CHKA: variants seen among roughly 807,000 people sequenced by gnomAD.
CHKA encodes the protein CHETK-alpha.
A neutral mutation model predicts 60.1 loss-of-function variants in CHKA; 34 were observed. That is an observed-to-expected ratio of 0.57 (90% CI 0.43 to 0.75). The LOEUF is 0.75. Ranked by LOEUF, CHKA falls within the 30% of genes least tolerant of loss-of-function variation. CHKA has a pLI of 0.00. For synonymous variants in CHKA, 217 were observed against 223.1 expected (o/e 0.97, Z 0.24); for missense variants, 563 against 561.3 (o/e 1.00, Z -0.03).
intron 3 of CHKA, among the ~76,000 whole-genome samples, chr11:68,079,450 C>A (rs1856903650): frequency 6.6e-6 from 1 of 152,162 alleles, no homozygotes; most frequent in African/African-American, 2.4e-5. Flanking sequence ...CTGCCTCAGC[C>A]TCCCAAGTAG....
chr11:68,096,754 T>G (rs1482192262), intron 2 of CHKA, among the ~76,000 whole-genome samples: 3 of 152,208 alleles, frequency 2.0e-5, no homozygotes, highest in Admixed American at 6.5e-5. Context: ...CTATTGAAGA[T>G]TTAACCAACA....
At position 68,086,708 on chromosome 11, in the gene CHKA, C is replaced by G. The variant is rs536492247; in HGVS notation, c.463-5251G>C. ...TAGTTATCATTTAAATGTCATTTGG[C>G]TGGGCGTGGTGGCTCACGCCTGTAA... On this transcript the variant is annotated intron_variant, in intron 2 of 11. Transcript: ENST00000265689. Among the ~76,000 whole-genome samples, 379 of 152,328 alleles carry G rather than the reference C, an allele frequency of 2.5e-3. 1 individual carries two copies. Among genetic ancestry groups the G allele is most frequent in the Middle Eastern group, 0.014 (4 of 294 alleles).
chr11:68,073,201 T>C (rs746366077), intron 4 of CHKA, among the ~76,000 whole-genome samples: 1 of 152,326 alleles, frequency 6.6e-6, no homozygotes, highest in South Asian at 2.1e-4. Flanking sequence ...TGTGCACATA[T>C]TCTTAAACAA....
chr11:68,104,311 C>T (rs537919504), intron 1 of CHKA, among the ~76,000 whole-genome samples: 1 of 152,144 alleles, frequency 6.6e-6, no homozygotes, highest in Non-Finnish European at 1.5e-5. Context: ...GAGAATAGTG[C>T]TTACCAGAGG....
chr11:68,107,748 A>C (rs538728342), intron 1 of CHKA, among the ~76,000 whole-genome samples: 2 of 152,230 alleles, frequency 1.3e-5, no homozygotes, highest in Admixed American at 1.3e-4. Flanking sequence ...TCCTTGGAAC[A>C]CAGCATGCCT....
Position 68,121,063 on chromosome 11 carries a change from C to A in CHKA, c.115G>T (p.Ala39Ser). ...PAPGVGQQRD[A>S]ASDLESKQLG... ...TGCTTGGACTCGAGGTCGCTGGCGG[C>A]GTCGCGCTGCTGCCCCACGCCGGGC... Residue 39 changes from alanine (A) to serine (S), a missense_variant, in exon 1 of 12, where the codon GCC becomes TCC. Transcript: ENST00000265689. 9.0e-7 allele frequency: 1 copy of A among 1,109,642 alleles called. No homozygotes were observed. The allele number at this position is 1,109,642 out of a possible 1,614,324, so 68.7% of individuals were successfully genotyped here.
At chr11:68,054,657 T>TA (rs1483472019) in intron 11 of CHKA, among the ~76,000 whole-genome samples, 3 of 152,198 alleles carry the variant, frequency 2.0e-5, no homozygotes, top group African/African-American at 7.2e-5. Flanking sequence ...CCAGGAAGAT[T>TA]ACAATTAACT....
intron 1 of CHKA, among the ~76,000 whole-genome samples, chr11:68,098,432 T>G (rs1490866698): frequency 6.6e-6 from 1 of 152,052 alleles, no homozygotes; most frequent in Non-Finnish European, 1.5e-5. Flanking sequence ...TACTACAAAT[T>G]TAGTGGCTTA....
chr11:68,121,199 G>A lies in CHKA; in HGVS notation c.-22C>T. The A allele has an allele frequency of 8.6e-7, 1 of 1,157,146 alleles. No individual in the cohort carries two copies. Among genetic ancestry groups the A allele is most frequent in the Non-Finnish European group, 1.1e-6 (1 of 938,950 alleles). 71.7% of individuals were successfully genotyped at this position (1,157,146 alleles called of 1,614,324 possible). A position where few individuals can be genotyped will look rare whatever the true frequency, so the allele number is the denominator to read the frequency against. On this transcript the variant is annotated 5_prime_UTR_variant, in exon 1 of 12. Transcript: ENST00000265689. ...TCATGCCCGACAGGCGGCCGAGGAG[G>A]CGCGGGCGGCCGCAGCGCGAGAGGA...
At chr11:68,067,605 T>C (rs1856486743) in intron 7 of CHKA, among the ~76,000 whole-genome samples, 1 of 151,996 alleles carries the variant, frequency 6.6e-6, no homozygotes, top group Non-Finnish European at 1.5e-5. Flanking sequence ...AAAAGGCAAA[T>C]TGGAGGCAGA....
intron 2 of CHKA, among the ~76,000 whole-genome samples, chr11:68,087,501 T>A (rs981071610): frequency 6.6e-6 from 1 of 151,648 alleles, no homozygotes; most frequent in African/African-American, 2.4e-5. Flanking sequence ...CACAAAAAAA[T>A]CATAATATAG....
intron 1 of CHKA, among the ~76,000 whole-genome samples, chr11:68,115,624 T>G (rs1407971811): frequency 6.6e-6 from 1 of 152,088 alleles, no homozygotes; most frequent in Non-Finnish European, 1.5e-5. Flanking sequence ...AGGGACCACT[T>G]GAGCCCAGGA....
intron 2 of CHKA, among the ~76,000 whole-genome samples, chr11:68,095,943 G>A (rs1254557605): frequency 1.3e-5 from 2 of 151,548 alleles, no homozygotes; most frequent in African/African-American, 4.9e-5. Flanking sequence ...GGAAAGCTGA[G>A]GCAGGAGAAT....
chr11:68,053,899 C>T lies in CHKA; in HGVS notation c.*89G>A. The T allele has an allele frequency of 1.9e-6, 2 of 1,074,252 alleles. No homozygotes were observed. The highest frequency in any genetic ancestry group is 2.8e-6 in the Non-Finnish European group (2 of 706,178). 66.5% of individuals were successfully genotyped at this position (1,074,252 alleles called of 1,614,324 possible). Reference sequence around the variant, plus strand: ...GTGAGCCACCCAAAGCCTCCTGCCACAGGAGCAGTAGTCGAAGCACAGAGG... The same window carrying T: ...GTGAGCCACCCAAAGCCTCCTGCCATAGGAGCAGTAGTCGAAGCACAGAGG... On this transcript the variant is annotated 3_prime_UTR_variant, in exon 12 of 12. Coordinates refer to ENST00000265689, the MANE Select transcript of CHKA (RefSeq NM_001277.3).
intron 2 of CHKA, among the ~76,000 whole-genome samples, chr11:68,088,252 G>A (rs184394402): frequency 7.9e-5 from 12 of 151,732 alleles, no homozygotes; most frequent in African/African-American, 2.9e-4. Context: ...GCTGAGTACT[G>A]AAACAACTCC....
rs376848547 is a variant in CHKA at position 68,095,734 on chromosome 11, AC to A, written c.462+1284del. ...AAAAAAAAAAAAAAAAAAAAAAAAA[AC>A]AACAGGTATCAAAATCCTACCACAG... On this transcript the variant is annotated intron_variant, in intron 2 of 11. Transcript: ENST00000265689. Among the ~76,000 whole-genome samples the A allele has an allele frequency of 1.0e-3, 133 of 130,758 alleles. 24 individuals are homozygous for A. Among genetic ancestry groups the A allele is most frequent in the African/African-American group, 3.8e-3 (121 of 32,198 alleles). 85.8% of individuals were successfully genotyped at this position (130,758 alleles called of 152,430 possible).
intron 1 of CHKA, among the ~76,000 whole-genome samples, chr11:68,117,165 T>A (rs888561267): frequency 6.6e-6 from 1 of 152,048 alleles, no homozygotes; most frequent in East Asian, 1.9e-4. Context: ...GGAAAGAAAT[T>A]CAGTATGTCT....
chr11:68,084,367 T>C (rs923080622), intron 2 of CHKA, among the ~76,000 whole-genome samples: 1 of 138,026 alleles, frequency 7.2e-6, no homozygotes, highest in Non-Finnish European at 1.6e-5. Flanking sequence ...TATACACATA[T>C]ATACGTATAT....
intron 2 of CHKA, among the ~76,000 whole-genome samples, chr11:68,088,868 C>T (rs1857267301): frequency 6.6e-6 from 1 of 152,106 alleles, no homozygotes; most frequent in African/African-American, 2.4e-5. Context: ...TTTCTGAAAA[C>T]ATTTTACAGA....
Sources: allele counts gnomAD v4.1 joint callset (sites outside exome capture counted in the v4.1 genomes callset), GRCh38; gene constraint gnomAD v4.1.1; transcripts MANE v1.5; gene names NCBI Gene and HGNC (gene_info 2026-07-23, HGNC 2026-07-21).